Variants in ERBB4 observed in about 807,000 individuals in gnomAD.
ERBB4 encodes the protein receptor tyrosine-protein kinase erbB-4.
Under a neutral mutation model 158.0 loss-of-function variants are expected in ERBB4, and 42 were observed. The observed-to-expected ratio is 0.27, with a 90% CI of 0.21 to 0.34. The LOEUF (loss-of-function observed/expected upper bound fraction) is 0.34. Ranked by LOEUF, ERBB4 falls within the 10% of genes least tolerant of loss-of-function variation. ERBB4 has a pLI of 1.00. For synonymous variants in ERBB4, 583 were observed against 558.7 expected, an observed-to-expected ratio of 1.04 and a Z score of -0.61; for missense variants, 1,333 against 1,624.1, an observed-to-expected ratio of 0.82 and a Z score of 3.08.
At chr2:212,016,039 A>G (rs1267275320) in intron 2 of ERBB4, among the ~76,000 whole-genome samples, 2 of 151,958 alleles carry the variant, frequency 1.3e-5, no homozygotes, top group East Asian at 3.9e-4. Flanking sequence ...AAAAAAAAAA[A>G]TGCATTGGTG....
chr2:211,643,271 A>G (rs1466014228), intron 16 of ERBB4, among the ~76,000 whole-genome samples: 1 of 152,156 alleles, frequency 6.6e-6, no homozygotes, highest in Non-Finnish European at 1.5e-5. Context: ...GATGAAGCCT[A>G]TCCCTCTACT....
At chr2:211,888,717 C>T (rs571051383) in intron 3 of ERBB4, among the ~76,000 whole-genome samples, 20,115 of 150,500 alleles carry the variant, frequency 0.13, 1,337 homozygotes, top group African/African-American at 0.22. Context: ...CGAAGCAGGG[C>T]GAGGCATTGC....
intron 1 of ERBB4, among the ~76,000 whole-genome samples, chr2:212,212,182 G>T (rs980115265): frequency 6.6e-6 from 1 of 152,034 alleles, no homozygotes; most frequent in African/African-American, 2.4e-5. Flanking sequence ...CCCACCAACA[G>T]TGTAAAAGTA....
At chr2:212,452,009 G>GGTTTTT (rs1270328511) in intron 1 of ERBB4, among the ~76,000 whole-genome samples, 1 of 139,004 alleles carries the variant, frequency 7.2e-6, no homozygotes, top group Non-Finnish European at 1.6e-5. Context: ...GAGTGTGCAG[G>GGTTTTT]TTTTTTTTTT....
chr2:211,673,284 G>C, intron 13 of ERBB4, 27 bp from the exon 14 acceptor site: 1 of 1,530,474 alleles, frequency 6.5e-7, no homozygotes, highest in Non-Finnish European at 9.1e-7. Flanking sequence ...CACATGAGGA[G>C]GTGTAAGCAA....
chr2:212,073,276 G>T (rs1441231681), intron 2 of ERBB4, among the ~76,000 whole-genome samples: 3 of 152,004 alleles, frequency 2.0e-5, no homozygotes, highest in Non-Finnish European at 4.4e-5. Context: ...AGGATTTAAA[G>T]ATGCATTTGT....
At chr2:212,279,551 T>C (rs1015575598) in intron 1 of ERBB4, among the ~76,000 whole-genome samples, 1 of 151,660 alleles carries the variant, frequency 6.6e-6, no homozygotes, top group Non-Finnish European at 1.5e-5. Flanking sequence ...GCTGATTCTA[T>C]GACCATTTTA....
intron 2 of ERBB4, among the ~76,000 whole-genome samples, chr2:211,967,199 C>A (rs1296158694): frequency 6.6e-6 from 1 of 151,988 alleles, no homozygotes; most frequent in East Asian, 1.9e-4. Flanking sequence ...CTCATTTCCT[C>A]ATTCAGTAAG....
chr2:211,999,654 T>C (rs2076058790), intron 2 of ERBB4, among the ~76,000 whole-genome samples: 1 of 151,856 alleles, frequency 6.6e-6, no homozygotes, highest in Admixed American at 6.6e-5. Flanking sequence ...GCTTTGTAAT[T>C]AATCATGCTC....
chr2:212,446,107 G>A (rs2092342553), intron 1 of ERBB4, among the ~76,000 whole-genome samples: 1 of 152,150 alleles, frequency 6.6e-6, no homozygotes, highest in African/African-American at 2.4e-5. Flanking sequence ...GTTGTATTAT[G>A]TTAGGCATAA....
intron 20 of ERBB4, among the ~76,000 whole-genome samples, chr2:211,472,593 A>C (rs1275845708): frequency 1.3e-5 from 2 of 151,780 alleles, no homozygotes; most frequent in Non-Finnish European, 2.9e-5. Context: ...CATAATATTA[A>C]AACTCCTCAC....
intron 19 of ERBB4, among the ~76,000 whole-genome samples, chr2:211,608,347 A>G (rs1186961094): frequency 6.6e-6 from 1 of 152,154 alleles, no homozygotes; most frequent in East Asian, 1.9e-4. Context: ...CTCTCATTTA[A>G]TGTGATCTTT....
At chr2:212,203,434 C>A (rs1028497642) in intron 1 of ERBB4, among the ~76,000 whole-genome samples, 1 of 152,240 alleles carries the variant, frequency 6.6e-6, no homozygotes, top group Non-Finnish European at 1.5e-5. Context: ...AGGAGATGAG[C>A]TCAAGACACA....
chr2:211,384,827 C>T (rs1270475810), intron 27 of ERBB4, among the ~76,000 whole-genome samples: 1 of 151,772 alleles, frequency 6.6e-6, no homozygotes, highest in Non-Finnish European at 1.5e-5. Flanking sequence ...ATATTGAAAC[C>T]AGTCAATTAG....
chr2:211,737,270 T>C (rs893688342), intron 5 of ERBB4, among the ~76,000 whole-genome samples: 37 of 152,136 alleles, frequency 2.4e-4, no homozygotes, highest in Non-Finnish European at 2.9e-5. Flanking sequence ...CTCAGATCTT[T>C]ACAATTTTCA....
intron 16 of ERBB4, 153 bp downstream of exon 16, chr2:211,657,601 A>G: frequency 1.4e-6 from 1 of 692,720 alleles, no homozygotes; most frequent in Non-Finnish European, 2.6e-6. Flanking sequence ...TTGGCTTGAG[A>G]AGGAAAGTGT....
rs547212000 is a variant in ERBB4, at chr2:212,458,624, C to T, written c.82+79825G>A. 7.2e-4 allele frequency among the ~76,000 whole-genome samples: 108 copies of T among 149,958 alleles called. 2 individuals are homozygous for T. In the South Asian group the frequency reaches 0.022, roughly 31 times the overall value. On this transcript the variant is annotated intron_variant, in intron 1 of 27. Coordinates refer to ENST00000342788, the MANE Select transcript of ERBB4 (RefSeq NM_005235.3). The stretch of plus-strand genomic sequence containing the variant: ...CAAGAGTCACACAATCAGGTCTCTA[C>T]TGAAAAAAAAAAAATCATTCGAGCA...
At chr2:211,756,775 C>T (rs1405670905) in intron 4 of ERBB4, among the ~76,000 whole-genome samples, 3 of 152,108 alleles carry the variant, frequency 2.0e-5, no homozygotes, top group Admixed American at 1.3e-4. Context: ...AATGGCTTGG[C>T]ATATAATTCC....
intron 20 of ERBB4, among the ~76,000 whole-genome samples, chr2:211,525,144 G>C (rs1277153414): frequency 6.6e-6 from 1 of 152,106 alleles, no homozygotes; most frequent in Admixed American, 6.5e-5. Flanking sequence ...GCAAGTCCTA[G>C]TGCTGAGCTA....
Sources: gnomAD v4.1 joint callset for allele counts (sites outside exome capture counted in the v4.1 genomes callset) on GRCh38, gnomAD v4.1.1 for gene constraint, MANE v1.5 for transcripts, NCBI Gene and HGNC (gene_info 2026-07-23, HGNC 2026-07-21) for gene names.